The following KIAA0753 variants were observed in gnomAD, a reference collection of about 807,000 sequenced individuals.
The protein encoded by KIAA0753 is protein moonraker.
A neutral mutation model predicts 116.9 loss-of-function variants in KIAA0753; 114 were observed. The observed-to-expected ratio is 0.98, with a 90% CI of 0.84 to 1.14. The LOEUF is 1.14. KIAA0753 is among the 50% of genes most tolerant of loss of function. The pLI is 0.00. For synonymous variants in KIAA0753, 405 were observed against 413.1 expected (o/e 0.98, Z 0.24); for missense variants, 1,156 against 1,172.4 (o/e 0.99, Z 0.20).
chr17:6,604,219 C>A (rs150852953), intron 12 of KIAA0753, among the ~76,000 whole-genome samples: 18 of 151,024 alleles, frequency 1.2e-4, no homozygotes, highest in Non-Finnish European at 2.1e-4. Flanking sequence ...TTCATAATAG[C>A]CCCAAACTGG....
chr17:6,613,812 G>C (rs1009763746), intron 7 of KIAA0753, among the ~76,000 whole-genome samples: 2 of 152,156 alleles, frequency 1.3e-5, no homozygotes, highest in Non-Finnish European at 2.9e-5. Context: ...TATAACACCA[G>C]GGCAGAAGAG....
Position 6,596,339 on chromosome 17 carries a change from G to A in KIAA0753, c.2177C>T (p.Ala726Val), listed in dbSNP as rs1487595511. Residue 726 changes from alanine (A) to valine (V), a missense_variant, in exon 15 of 19, where the codon GCA becomes GTA. Coordinates refer to ENST00000361413, the MANE Select transcript of KIAA0753 (RefSeq NM_014804.3). ...TAKAQPAQEV[A>V]AVDFESNNIR... ...GTTGTTGGATTCAAAATCAACAGCT[G>A]CAACCTACAAGATGGGGTGGGGTGG... The A allele has an allele frequency of 6.6e-7, 1 of 1,518,448 alleles. No individual in the cohort carries two copies. Among genetic ancestry groups the A allele is most frequent in the East Asian group, 2.7e-5 (1 of 37,204 alleles). 94.1% of individuals were successfully genotyped at this position (1,518,448 alleles called of 1,614,324 possible).
At chr17:6,630,577 T>C (rs967885117) in intron 2 of KIAA0753, among the ~76,000 whole-genome samples, 1 of 152,168 alleles carries the variant, frequency 6.6e-6, no homozygotes, top group African/African-American at 2.4e-5. Flanking sequence ...GTCTCACTTC[T>C]AGGAATTTAC....
chr17:6,634,613 G>C (rs982075827), intron 2 of KIAA0753: 1 of 164,138 alleles, frequency 6.1e-6, no homozygotes, highest in Non-Finnish European at 1.3e-5. Context: ...CAACTTTGCT[G>C]TATTTTTAAA....
At chr17:6,599,700 A>G (rs571943094) in intron 13 of KIAA0753, among the ~76,000 whole-genome samples, 101 of 151,996 alleles carry the variant, frequency 6.6e-4, no homozygotes, top group African/African-American at 2.2e-3. Context: ...TCCTAGTTCT[A>G]TGCTACTGAG....
intron 7 of KIAA0753, among the ~76,000 whole-genome samples, chr17:6,612,455 C>T (rs1391004377): frequency 1.3e-5 from 2 of 152,214 alleles, no homozygotes; most frequent in Non-Finnish European, 2.9e-5. Context: ...TTTGCTATTA[C>T]CCAAGGTCAG....
chr17:6,581,831 C>T (rs1346051641), intron 18 of KIAA0753, among the ~76,000 whole-genome samples: 1 of 152,202 alleles, frequency 6.6e-6, no homozygotes, highest in African/African-American at 2.4e-5. Context: ...CGACATGTCC[C>T]CATCTTTCTT....
chr17:6,600,302 A>G, intron 13 of KIAA0753, 78 bp downstream of exon 13: 1 of 1,110,284 alleles, frequency 9.0e-7, no homozygotes, highest in South Asian at 1.3e-5. Flanking sequence ...ATAAAGGATC[A>G]ATGAGACCTC....
chr17:6,617,777 C>T (rs1219324251), intron 7 of KIAA0753, among the ~76,000 whole-genome samples: 3 of 152,202 alleles, frequency 2.0e-5, no homozygotes, highest in Non-Finnish European at 4.4e-5. Context: ...AGTTCGTCAT[C>T]GATCATGCCT....
rs1197518724 is a variant in KIAA0753, at chr17:6,623,569, T to C, written c.828A>G (p.Val276=). ...ARMLYVLQQQ[V]KEIQEELDKL... is the part of the protein sequence containing the mutation. ...TATCCAATTCTTCCTGGATTTCTTT[T>C]ACCTGTTTTGTAAAGGGGAAAAAAG... Residue 276 remains valine, a splice_region_variant and synonymous_variant, in exon 5 of 19, where the codon GTA becomes GTG. Coordinates refer to ENST00000361413, the MANE Select transcript of KIAA0753 (RefSeq NM_014804.3). 3 of 1,610,596 alleles carry C rather than the reference T, an allele frequency of 1.9e-6. No individual in the cohort carries two copies. Among genetic ancestry groups the C allele is most frequent in the Admixed American group, 3.4e-5 (2 of 59,570 alleles).
intron 18 of KIAA0753, among the ~76,000 whole-genome samples, chr17:6,584,723 G>C (rs75042361): frequency 0.058 from 8,862 of 152,296 alleles, 426 homozygotes; most frequent in African/African-American, 0.13. Flanking sequence ...TTCCACGGTA[G>C]AGTCTAAGTT....
At chr17:6,632,379 G>A (rs988312741) in intron 2 of KIAA0753, among the ~76,000 whole-genome samples, 7 of 152,160 alleles carry the variant, frequency 4.6e-5, no homozygotes, top group Admixed American at 2.0e-4. Flanking sequence ...AGTCTGTGCT[G>A]AAATAAATAA....
At chr17:6,580,632 A>C (rs887789020) in intron 18 of KIAA0753, among the ~76,000 whole-genome samples, 1 of 152,150 alleles carries the variant, frequency 6.6e-6, no homozygotes, top group African/African-American at 2.4e-5. Flanking sequence ...CTTTTGAAGA[A>C]GAAAAACAAG....
At chr17:6,611,273 T>C (rs981197832) in intron 8 of KIAA0753, among the ~76,000 whole-genome samples, 119 of 152,294 alleles carry the variant, frequency 7.8e-4, no homozygotes, top group African/African-American at 2.6e-3. Context: ...GTAATTATTA[T>C]TGATCGATAT....
intron 16 of KIAA0753, among the ~76,000 whole-genome samples, chr17:6,591,033 GGAAGAAGGAAGAAGAAGAAGAA>G (rs1567540398): frequency 5.5e-5 from 5 of 90,598 alleles, no homozygotes; most frequent in African/African-American, 1.1e-4. Flanking sequence ...GAAGGAAGAA[GGAAGAAGGAAGAAGAAGAAGAA>G]GAAGAAGAAG....
In KIAA0753 at chr17:6,639,312, G is replaced by C. The variant is rs1159433; in HGVS notation, c.-69+1325C>G. ...CTCTCCCCCACAGACCTGCAGCACC[G>C]CCACAGCCGAGCTCTCCCTCCATGG... On this transcript the variant is annotated intron_variant, in intron 1 of 18. Coordinates refer to ENST00000361413, the MANE Select transcript of KIAA0753 (RefSeq NM_014804.3). This position sits in a 1 kb window ranked among gnomAD's most constrained non-coding sequence, Gnocchi z 4.3. The C allele has an allele frequency of 0.7, 106,211 of 152,612 alleles. 37,868 individuals are homozygous for C. The highest frequency in any genetic ancestry group is 0.87 in the African/African-American group (35,951 of 41,384). The allele number at this position is 152,612 out of a possible 1,614,324, so 9.5% of individuals were successfully genotyped here.
intron 9 of KIAA0753, among the ~76,000 whole-genome samples, chr17:6,609,334 G>A (rs949463250): frequency 1.5e-4 from 23 of 152,100 alleles, no homozygotes; most frequent in African/African-American, 5.6e-4. Flanking sequence ...ACTGCCTCAC[G>A]GCAAACGAGC....
intron 12 of KIAA0753, among the ~76,000 whole-genome samples, chr17:6,603,420 C>T (rs901005806): frequency 6.6e-6 from 1 of 152,240 alleles, no homozygotes; most frequent in African/African-American, 2.4e-5. Context: ...AAAGCAGAGT[C>T]TGTGAGCCTC....
chr17:6,611,953 C>CT lies in KIAA0753; in HGVS notation c.1510dup (p.Arg504LysfsTer18). On this transcript the variant is annotated frameshift_variant, in exon 8 of 19. Transcript: ENST00000361413. LOFTEE classifies it high-confidence loss of function. ...TGCTGGCGCCAGAGTATCTTTCTTCCTAAACGGCACATTCTCAGTCACAGG... is the reference window on the plus strand; with the variant it reads ...TGCTGGCGCCAGAGTATCTTTCTTCCTTAAACGGCACATTCTCAGTCACAGG... The CT allele has an allele frequency of 6.2e-7, 1 of 1,614,124 alleles. No homozygotes were observed. Among genetic ancestry groups the CT allele is most frequent in the Non-Finnish European group, 8.5e-7 (1 of 1,180,022 alleles).
Sources: gnomAD v4.1 joint callset for allele counts (sites outside exome capture counted in the v4.1 genomes callset) on GRCh38, gnomAD v4.1.1 for gene constraint, Gnocchi (gnomAD v3.1) non-coding constraint, MANE v1.5 for transcripts, NCBI Gene and HGNC (gene_info 2026-07-23, HGNC 2026-07-21) for gene names.